Variants in LSAMP observed in about 807,000 individuals in gnomAD.
The protein encoded by LSAMP is limbic system-associated membrane protein.
In LSAMP, 7 loss-of-function variants were observed where a neutral mutation model predicts 38.6. The ratio of observed to expected loss-of-function variants is 0.18; its 90% CI spans 0.10 to 0.34. LSAMP has a LOEUF of 0.34. LSAMP is among the 10% of genes least tolerant of loss of function. LSAMP has a pLI of 1.00. For synonymous variants in LSAMP, 154 were observed against 166.8 expected (o/e 0.92, Z 0.59); for missense variants, 313 against 420.0 (o/e 0.75, Z 2.23).
intron 1 of LSAMP, among the ~76,000 whole-genome samples, chr3:116,382,680 C>T (rs2048576884): frequency 6.6e-6 from 1 of 151,950 alleles, no homozygotes; most frequent in Non-Finnish European, 1.5e-5. Context: ...TATTTACTAT[C>T]TGGTCTTTAA....
chr3:115,931,510 G>A (rs959503086), intron 3 of LSAMP, among the ~76,000 whole-genome samples: 1 of 152,148 alleles, frequency 6.6e-6, no homozygotes, highest in African/African-American at 2.4e-5. Context: ...GGGTCAGACT[G>A]CAGGTACAAA....
intron 3 of LSAMP, among the ~76,000 whole-genome samples, chr3:115,974,421 G>A (rs542539270): frequency 6.6e-6 from 1 of 152,166 alleles, no homozygotes; most frequent in South Asian, 2.1e-4. Flanking sequence ...TAAAATGAGT[G>A]ACTGAGGCAG....
At chr3:116,153,210 T>G (rs947760304) in intron 1 of LSAMP, among the ~76,000 whole-genome samples, 1 of 152,092 alleles carries the variant, frequency 6.6e-6, no homozygotes, top group African/African-American at 2.4e-5. Flanking sequence ...GATTTCATGC[T>G]CTACTCAAGT....
chr3:115,838,615 C>T (rs3772958), intron 6 of LSAMP, among the ~76,000 whole-genome samples: 26,050 of 152,130 alleles, frequency 0.17, 2,500 homozygotes, highest in Non-Finnish European at 0.22. Context: ...TTGGTTATAC[C>T]GACTGAGGTA....
chr3:116,071,041 A>AAAAT (rs756061462), intron 2 of LSAMP, among the ~76,000 whole-genome samples: 10 of 143,676 alleles, frequency 7.0e-5, no homozygotes, highest in Admixed American at 2.8e-4. Flanking sequence ...ACTCCATCTC[A>AAAAT]AAATAAATAA....
At chr3:115,872,791 T>C (rs1277407356) in intron 3 of LSAMP, among the ~76,000 whole-genome samples, 1 of 152,114 alleles carries the variant, frequency 6.6e-6, no homozygotes, top group Non-Finnish European at 1.5e-5. Context: ...AGCTGTTAAG[T>C]ATCTGGTCTA....
chr3:116,148,747 T>C (rs1709543345), intron 1 of LSAMP, among the ~76,000 whole-genome samples: 1 of 152,012 alleles, frequency 6.6e-6, no homozygotes, highest in Non-Finnish European at 1.5e-5. Context: ...TAATTTAACA[T>C]GTGATTGGTA....
intron 1 of LSAMP, among the ~76,000 whole-genome samples, chr3:116,089,855 T>G (rs1021240531): frequency 6.6e-6 from 1 of 152,062 alleles, no homozygotes; most frequent in African/African-American, 2.4e-5. Flanking sequence ...TCAGGGTTCC[T>G]TTTTATGTAC....
At chr3:116,060,329 T>C (rs1277918612) in intron 2 of LSAMP, among the ~76,000 whole-genome samples, 2 of 151,948 alleles carry the variant, frequency 1.3e-5, no homozygotes, top group Admixed American at 1.3e-4. Context: ...CTTAAAGAGG[T>C]AAACCAACTA....
intron 3 of LSAMP, among the ~76,000 whole-genome samples, chr3:116,016,195 C>T (rs1256420477): frequency 6.6e-6 from 1 of 151,978 alleles, no homozygotes; most frequent in African/African-American, 2.4e-5. Flanking sequence ...TTTTTAAAAA[C>T]CATGAAAACA....
At chr3:116,176,116 A>G (rs1164829482) in intron 1 of LSAMP, among the ~76,000 whole-genome samples, 2 of 152,086 alleles carry the variant, frequency 1.3e-5, no homozygotes, top group Admixed American at 6.6e-5. Context: ...AATACCTGCA[A>G]TAGTTCAGTC....
At chr3:115,849,633 G>T (rs924468240) in intron 4 of LSAMP, among the ~76,000 whole-genome samples, 1 of 152,134 alleles carries the variant, frequency 6.6e-6, no homozygotes. Flanking sequence ...TTTCATGGCC[G>T]GTAGGATTAG....
chr3:116,043,963 A>G (rs897855695), intron 2 of LSAMP, among the ~76,000 whole-genome samples: 2 of 152,210 alleles, frequency 1.3e-5, no homozygotes, highest in African/African-American at 4.8e-5. Context: ...AAATAAAATA[A>G]AAATTAAAGA....
intron 1 of LSAMP, among the ~76,000 whole-genome samples, chr3:116,091,219 G>A (rs1008296302): frequency 4.6e-5 from 7 of 152,220 alleles, no homozygotes; most frequent in Admixed American, 4.6e-4. Context: ...ATATGGCTCT[G>A]TTCTGCCCGG....
At chr3:115,890,203 A>G (rs1341572665) in intron 3 of LSAMP, among the ~76,000 whole-genome samples, 1 of 151,972 alleles carries the variant, frequency 6.6e-6, no homozygotes, top group Non-Finnish European at 1.5e-5. Flanking sequence ...TGCTGGCTCA[A>G]TACAGACAAT....
At chr3:116,034,506 C>T (rs1941003447) in intron 2 of LSAMP, among the ~76,000 whole-genome samples, 1 of 152,086 alleles carries the variant, frequency 6.6e-6, no homozygotes, top group Non-Finnish European at 1.5e-5. Context: ...AAGAGTCAGA[C>T]TTGTCATACC....
intron 1 of LSAMP, among the ~76,000 whole-genome samples, chr3:116,330,852 C>A (rs900482721): frequency 6.6e-5 from 10 of 151,864 alleles, no homozygotes. Context: ...TTTTCAACAA[C>A]AAAAAATCAT....
intron 1 of LSAMP, among the ~76,000 whole-genome samples, chr3:116,280,531 T>C (rs981705200): frequency 2.0e-5 from 3 of 152,254 alleles, no homozygotes; most frequent in African/African-American, 4.8e-5. Context: ...AGACCCAGTA[T>C]TGGCATCTAT....
intron 6 of LSAMP, among the ~76,000 whole-genome samples, chr3:115,820,902 A>G (rs534398680): frequency 1.7e-4 from 26 of 152,318 alleles, no homozygotes; most frequent in African/African-American, 5.5e-4. Context: ...TGAAGAGCCA[A>G]TGGGGCCAGG....
Sources: allele counts gnomAD v4.1 joint callset (sites outside exome capture counted in the v4.1 genomes callset), GRCh38; gene constraint gnomAD v4.1.1; transcripts MANE v1.5; gene names NCBI Gene and HGNC (gene_info 2026-07-23, HGNC 2026-07-21).